ZNF443: variants seen among roughly 807,000 people sequenced by gnomAD.
ZNF443 encodes the protein zinc finger protein 443.
In ZNF443, 3 loss-of-function variants were observed where a neutral mutation model predicts 12.0. That is an observed-to-expected ratio of 0.25 (90% CI 0.11 to 0.64). The LOEUF is 0.64. ZNF443 is among the 30% of genes least tolerant of loss of function. ZNF443 has a pLI of 0.84. For missense variants in ZNF443, 770 were observed against 808.8 expected (o/e 0.95, Z 0.58); for synonymous variants, 225 against 265.9 (o/e 0.85, Z 1.50).
chr19:12,437,188 A>G (rs62110704), intron 1 of ZNF443, among the ~76,000 whole-genome samples: 49,790 of 151,760 alleles, frequency 0.33, 8,622 homozygotes, highest in South Asian at 0.47. Flanking sequence ...CAAGACTTTG[A>G]GCCCACACTC....
intron 1 of ZNF443, among the ~76,000 whole-genome samples, chr19:12,435,920 A>G (rs1970303327): frequency 6.6e-6 from 1 of 151,930 alleles, no homozygotes; most frequent in Non-Finnish European, 1.5e-5. Flanking sequence ...GAAGAATCCA[A>G]TTTTCAGAAG....
At chr19:12,432,062 T>G (rs1364626689) in intron 3 of ZNF443, 82 bp from the exon 4 acceptor site, 2 of 1,122,160 alleles carry the variant, frequency 1.8e-6, no homozygotes, top group Non-Finnish European at 2.5e-6. Flanking sequence ...ATGTACATTT[T>G]TAACACTATC....
Position 12,431,352 on chromosome 19 carries a change from T to C in ZNF443, c.820A>G (p.Thr274Ala), listed in dbSNP as rs756971619. 1 of 1,614,100 alleles carries C rather than the reference T, an allele frequency of 6.2e-7. No homozygotes were observed. Among genetic ancestry groups the C allele is most frequent in the South Asian group, 1.1e-5 (1 of 91,074 alleles). ...FYSSYLRHER[T>A]HTGEKPYKCK... ...TTATATGGTTTCTCCCCAGTATGTG[T>C]TCTTTCATGTCTTAGATAGGAACTG... The change falls in exon 4 of 4, where the codon ACA becomes GCA. Residue 274 changes from threonine (T) to alanine (A), a missense_variant. By Grantham distance (58) the Thr-to-Ala change is moderately conservative. Coordinates refer to ENST00000301547, the MANE Select transcript of ZNF443 (RefSeq NM_005815.5).
rs1191750975 is a variant in ZNF443 at position 12,431,234 on chromosome 19, T to G, written c.938A>C (p.Gln313Pro). ...GGAAACACTGAAGGCTTTCCCACATTGTTTACATGTATAGGGTTTCTCTCC... is the reference window on the plus strand; with the variant it reads ...GGAAACACTGAAGGCTTTCCCACATGGTTTACATGTATAGGGTTTCTCTCC... The part of the protein sequence containing the change: ...HTGEKPYTCK[Q>P]CGKAFSVSGS... The change falls in exon 4 of 4, where the codon CAA (glutamine) becomes CCA (proline). Residue 313 changes from glutamine to proline, a missense_variant. Gln to Pro is a moderately conservative substitution (Grantham distance 76). Transcript: ENST00000301547. The G allele has an allele frequency of 6.2e-7, 1 of 1,614,080 alleles. No individual in the cohort carries two copies. Among genetic ancestry groups the G allele is most frequent in the East Asian group, 2.2e-5 (1 of 44,872 alleles).
rs755515961 is a variant in ZNF443 at position 12,432,420 on chromosome 19, G to A, written c.148C>T (p.Gln50Ter). 2 of 1,516,088 alleles carry A rather than the reference G, an allele frequency of 1.3e-6. No homozygotes were observed. Among genetic ancestry groups the A allele is most frequent in the Non-Finnish European group, 1.8e-6 (2 of 1,116,362 alleles). The allele number at this position is 1,516,088 out of a possible 1,614,324, so 93.9% of individuals were successfully genotyped here. A position where few individuals can be genotyped will look rare whatever the true frequency, so the allele number is the denominator to read the frequency against. The change falls in exon 3 of 4, where the codon CAG (glutamine) becomes TAG (stop). Residue 50 changes from glutamine (Q) to a stop codon, truncating the protein, a stop_gained. Transcript: ENST00000301547. LOFTEE classifies it low-confidence loss of function (END_TRUNC). ...TATCTATATTGATCTTCAATGTTCT[G>A]GTCTTTCCATTTCATTACTAAAAGG... is the stretch of plus-strand genomic sequence containing the variant. ...LDCVVMKWKD[Q>*]NIEDQYRYPR...
At position 12,429,822 on chromosome 19, in the gene ZNF443, A is replaced by G. The variant is rs1325717525; in HGVS notation, c.*334T>C. 1.3e-5 allele frequency: 5 copies of G among 392,690 alleles called. No individual in the cohort carries two copies. The highest frequency in any genetic ancestry group is 1.4e-5 in the Non-Finnish European group (3 of 218,948). The allele number at this position is 392,690 out of a possible 1,614,324, so 24.3% of individuals were successfully genotyped here. A position where few individuals can be genotyped will look rare whatever the true frequency, so the allele number is the denominator to read the frequency against. On this transcript the variant is annotated 3_prime_UTR_variant, in exon 4 of 4. Transcript: ENST00000301547. The stretch of plus-strand genomic sequence containing the variant: ...ACTCTTTTCCTTATCATGATTCCCT[A>G]AACAATACAATAGAACAACTATTTG...
intron 1 of ZNF443, among the ~76,000 whole-genome samples, chr19:12,437,538 G>A (rs1970326169): frequency 6.6e-6 from 1 of 150,572 alleles, no homozygotes; most frequent in African/African-American, 2.4e-5. Flanking sequence ...GAAAAAAACC[G>A]ACAAGTATAA....
chr19:12,429,962 T>TAAACATGTCATTTTATAAAA lies in ZNF443; in HGVS notation c.*193_*194insTTTTATAAAATGACATGTTT. The TAAACATGTCATTTTATAAAA allele has an allele frequency of 1.3e-6, 1 of 780,556 alleles. No homozygotes were observed. The highest frequency in any genetic ancestry group is 2.0e-5 in the South Asian group (1 of 50,898). 48.4% of individuals were successfully genotyped at this position (780,556 alleles called of 1,614,324 possible). A position where few individuals can be genotyped will look rare whatever the true frequency, so the allele number is the denominator to read the frequency against. On this transcript the variant is annotated 3_prime_UTR_variant, in exon 4 of 4. Transcript: ENST00000301547. ...GTCATTTTATAAAAGGGACTGGACA[T>TAAACATGTCATTTTATAAAA]GGCTCACGGAGTGCTGGAACCAATA...
intron 1 of ZNF443, among the ~76,000 whole-genome samples, chr19:12,437,248 TAAAAA>T (rs71166678): frequency 6.7e-6 from 1 of 149,254 alleles, no homozygotes; most frequent in African/African-American, 2.5e-5. Flanking sequence ...ATTAAATAAA[TAAAAA>T]AAAAATTAGC....
In ZNF443 at chr19:12,430,464, A is replaced by G. The variant is rs1599619625; in HGVS notation, c.1708T>C (p.Ser570Pro). 6.2e-7 allele frequency: 1 copy of G among 1,605,544 alleles called. No individual in the cohort carries two copies. The highest frequency in any genetic ancestry group is 2.2e-5 in the East Asian group (1 of 44,756). The change falls in exon 4 of 4, where the codon TCT becomes CCT. Residue 570 changes from serine (S) to proline (P), a missense_variant. Around this residue, in one of 3 missense-constraint regions of ZNF443, gnomAD observed 736 missense variants for 689.4 expected, o/e 1.07. Coordinates refer to ENST00000301547, the MANE Select transcript of ZNF443 (RefSeq NM_005815.5). ...TGTCGTAGAAAGCAAGTGAGCCAAG[A>G]GAATGCTTTCCCACATTCCTTACAT... ...YECKECGKAF[S>P]WLTCFLRHER...
chr19:12,430,357 TC>T lies in ZNF443; in HGVS notation c.1814del (p.Gly605AspfsTer105). On this transcript the variant is annotated frameshift_variant, in exon 4 of 4. Coordinates refer to ENST00000301547, the MANE Select transcript of ZNF443 (RefSeq NM_005815.5). LOFTEE classifies it low-confidence loss of function (END_TRUNC). ...TCTCTCCAGTATGAGTTTTTTCATG[TC>T]CTTGAAGAAAACGGGAATGAGTGAA... ...KAFTHSRFLQ[G>X]HEKTHTGENP... The T allele has an allele frequency of 6.2e-7, 1 of 1,613,620 alleles. No individual in the cohort carries two copies. The highest frequency in any genetic ancestry group is 1.3e-5 in the African/African-American group (1 of 74,966).
At chr19:12,439,722 G>A (rs953004730) in intron 1 of ZNF443, among the ~76,000 whole-genome samples, 13 of 151,922 alleles carry the variant, frequency 8.6e-5, no homozygotes, top group Non-Finnish European at 8.8e-5. Flanking sequence ...GGAACTACTG[G>A]GATCAAGCAA....
Position 12,430,614 on chromosome 19 carries a change from A to G in ZNF443, c.1558T>C (p.Ser520Pro). Residue 520 changes from serine (S) to proline (P), a missense_variant, in exon 4 of 4, where the codon TCT becomes CCT. Physicochemically the swap from Ser to Pro is moderately conservative, Grantham distance 74. Transcript: ENST00000301547. ...GKAFSRFRYLSRHKRTHTGEK... is the reference protein window; with the variant it reads ...GKAFSRFRYLPRHKRTHTGEK... ...CCTGTGTGAGTCCTTTTATGTCGAGAAAGGTATCTGAAACGACTGAATGCT... is the reference window on the plus strand; with the variant it reads ...CCTGTGTGAGTCCTTTTATGTCGAGGAAGGTATCTGAAACGACTGAATGCT... 4 of 1,611,758 alleles carry G rather than the reference A, an allele frequency of 2.5e-6. No homozygotes were observed. In the South Asian group the frequency reaches 4.4e-5, roughly 18 times the overall value.
At chr19:12,440,847 A>G in intron 1 of ZNF443, 65 bp downstream of exon 1, 2 of 1,613,268 alleles carry the variant, frequency 1.2e-6, no homozygotes, top group Non-Finnish European at 1.7e-6. Flanking sequence ...GTCCAGCCAC[A>G]GCCGATTACG....
chr19:12,440,433 G>A (rs1363798189), intron 1 of ZNF443, among the ~76,000 whole-genome samples: 1 of 152,122 alleles, frequency 6.6e-6, no homozygotes, highest in Admixed American at 6.5e-5. Context: ...AGCAGAATGC[G>A]GTTTCTTCAC....
chr19:12,432,137 C>A (rs1252881741), intron 3 of ZNF443, 157 bp from the exon 4 acceptor site: 2 of 765,554 alleles, frequency 2.6e-6, no homozygotes, highest in Non-Finnish European at 3.9e-6. Flanking sequence ...CAAGGTAACT[C>A]GACCCAGGTG....
At chr19:12,438,264 A>G (rs1268044053) in intron 1 of ZNF443, among the ~76,000 whole-genome samples, 2 of 152,222 alleles carry the variant, frequency 1.3e-5, no homozygotes, top group African/African-American at 4.8e-5. Context: ...TTCAGTGTCT[A>G]TGTCTACGGG....
intron 2 of ZNF443, among the ~76,000 whole-genome samples, chr19:12,432,726 G>A (rs1392122647): frequency 7.0e-6 from 1 of 143,776 alleles, no homozygotes; most frequent in African/African-American, 2.7e-5. Context: ...TCCACTTAAT[G>A]AACAGTAAAT....
In ZNF443 at chr19:12,431,018, C is replaced by A. The variant is rs779760729; in HGVS notation, c.1154G>T (p.Arg385Ile). 21 of 1,613,948 alleles carry A rather than the reference C, an allele frequency of 1.3e-5. No homozygotes were observed. Among genetic ancestry groups the A allele is most frequent in the Non-Finnish European group, 1.8e-5 (21 of 1,179,880 alleles). ...ATAGGGTTTCTCTCCAGTGTGAGTT[C>A]TTTCATGACTTTGCAGTGAACTAGG... is the stretch of plus-strand genomic sequence containing the variant. ...DCPSSLQSHE[R>I]THTGEKPYEC... The change falls in exon 4 of 4, where the codon AGA becomes ATA. Residue 385 changes from arginine (R) to isoleucine (I), a missense_variant. Physicochemically the swap from Arg to Ile is moderately conservative, Grantham distance 97. Around this residue, in one of 3 missense-constraint regions of ZNF443, gnomAD observed 736 missense variants for 689.4 expected, o/e 1.07. Transcript: ENST00000301547.
Sources: allele counts gnomAD v4.1 joint callset (sites outside exome capture counted in the v4.1 genomes callset), GRCh38; gene constraint gnomAD v4.1.1; regional missense constraint gnomAD v4.1.1; transcripts MANE v1.5; gene names NCBI Gene and HGNC (gene_info 2026-07-23, HGNC 2026-07-21).